TSPAN9: variants seen among roughly 807,000 people sequenced by gnomAD.
The protein encoded by TSPAN9 is tetraspanin 9.
TSPAN9 carries 16 observed loss-of-function variants against 31.0 expected under a neutral mutation model. That is an observed-to-expected ratio of 0.52 (90% confidence interval 0.35 to 0.78). The LOEUF (loss-of-function observed/expected upper bound fraction) is 0.78. Among genes scored for constraint, TSPAN9 ranks in the 30% least tolerant of loss-of-function variants. The pLI is 0.01. For synonymous variants in TSPAN9, 145 were observed against 121.6 expected, an observed-to-expected ratio of 1.19 and a Z score of -1.27; for missense variants, 272 against 312.5, an observed-to-expected ratio of 0.87 and a Z score of 0.98.
intron 2 of TSPAN9, among the ~76,000 whole-genome samples, chr12:3,125,414 G>A (rs974611368): frequency 6.6e-6 from 1 of 152,146 alleles, no homozygotes; most frequent in Non-Finnish European, 1.5e-5. Context: ...CTCTGCATTG[G>A]AGTTCCTTCT....
intron 3 of TSPAN9, among the ~76,000 whole-genome samples, chr12:3,236,521 C>G (rs2098393815): frequency 6.6e-6 from 1 of 152,202 alleles, no homozygotes; most frequent in South Asian, 2.1e-4. Context: ...TTCGCTGCCA[C>G]CAGGATGCTT....
chr12:3,197,377 A>C (rs1019065615), intron 2 of TSPAN9, among the ~76,000 whole-genome samples: 2 of 152,194 alleles, frequency 1.3e-5, no homozygotes, highest in African/African-American at 4.8e-5. Flanking sequence ...CTACATCAGG[A>C]GGCGACTAGA....
intron 3 of TSPAN9, among the ~76,000 whole-genome samples, chr12:3,217,711 C>T (rs920638118): frequency 6.6e-6 from 1 of 152,188 alleles, no homozygotes; most frequent in African/African-American, 2.4e-5. Flanking sequence ...TCCCTTCACC[C>T]CTTCACCCCT....
chr12:3,239,913 G>C (rs967029689), intron 3 of TSPAN9, among the ~76,000 whole-genome samples: 8 of 152,268 alleles, frequency 5.3e-5, no homozygotes, highest in East Asian at 1.9e-4. Flanking sequence ...ACTATATAGG[G>C]GGGGGACGAG....
intron 2 of TSPAN9, among the ~76,000 whole-genome samples, chr12:3,106,703 C>T (rs1054849589): frequency 1.3e-5 from 2 of 152,132 alleles, no homozygotes; most frequent in East Asian, 1.9e-4. Context: ...CCCAGGAGTT[C>T]GAGTCTGCAG....
chr12:3,178,960 T>C (rs2098357383), intron 2 of TSPAN9, among the ~76,000 whole-genome samples: 1 of 152,206 alleles, frequency 6.6e-6, no homozygotes, highest in South Asian at 2.1e-4. Flanking sequence ...TCTGGTTGCT[T>C]ATTCTCTGAT....
At chr12:3,104,142 G>T (rs35777997) in intron 2 of TSPAN9, among the ~76,000 whole-genome samples, 17,108 of 151,964 alleles carry the variant, frequency 0.11, 1,185 homozygotes, top group East Asian at 0.35. Flanking sequence ...TGGTACAGCT[G>T]GAGGGGAGTG....
At chr12:3,184,871 G>C (rs918751140) in intron 2 of TSPAN9, among the ~76,000 whole-genome samples, 1 of 152,158 alleles carries the variant, frequency 6.6e-6, no homozygotes, top group South Asian at 2.1e-4. Context: ...ACACCTTCAG[G>C]GGGCACAGTT....
At chr12:3,086,329 A>ATT (rs11356214) in intron 2 of TSPAN9, among the ~76,000 whole-genome samples, 2 of 145,804 alleles carry the variant, frequency 1.4e-5, no homozygotes, top group African/African-American at 5.0e-5. Context: ...CCAAATGTAG[A>ATT]TTTTTTTTTT....
chr12:3,126,960 T>C (rs1048455321), intron 2 of TSPAN9, among the ~76,000 whole-genome samples: 2 of 151,974 alleles, frequency 1.3e-5, no homozygotes, highest in African/African-American at 4.8e-5. Flanking sequence ...GCAAAAAAAA[T>C]TCATGGAGTC....
intron 3 of TSPAN9, among the ~76,000 whole-genome samples, chr12:3,274,856 G>A (rs1006654519): frequency 6.6e-6 from 1 of 152,240 alleles, no homozygotes; most frequent in Non-Finnish European, 1.5e-5. Context: ...CGTGCACCAT[G>A]CGTGGAGTTG....
At chr12:3,264,259 G>A (rs924736837) in intron 3 of TSPAN9, among the ~76,000 whole-genome samples, 60 of 152,176 alleles carry the variant, frequency 3.9e-4, no homozygotes, top group African/African-American at 1.4e-3. Flanking sequence ...CCCGGGGAAG[G>A]GGGTGGGGAC....
At chr12:3,082,463 C>T (rs2098298409) in intron 1 of TSPAN9, among the ~76,000 whole-genome samples, 1 of 152,140 alleles carries the variant, frequency 6.6e-6, no homozygotes, top group Admixed American at 6.5e-5. Flanking sequence ...AACTTGAGTG[C>T]CCACCGTGTG....
At chr12:3,138,119 C>CA (rs768830103) in intron 2 of TSPAN9, among the ~76,000 whole-genome samples, 3 of 152,208 alleles carry the variant, frequency 2.0e-5, no homozygotes, top group Non-Finnish European at 4.4e-5. Context: ...GGGCAGTGCC[C>CA]AGCGGTGCCC....
rs1269513224 is a variant in TSPAN9 at position 3,168,719 on chromosome 12, C to A, written c.-17-32458C>A. Among the ~76,000 whole-genome samples the A allele has an allele frequency of 6.6e-6, 1 of 152,164 alleles. No individual in the cohort carries two copies. The highest frequency in any genetic ancestry group is 1.5e-5 in the Non-Finnish European group (1 of 68,030). ...GGAGAGGATTTGATAAATCTTAATT[C>A]TCTTCCCAGACCAGGTCCTGTCTCT... is the stretch of plus-strand genomic sequence containing the variant. On this transcript the variant is annotated intron_variant, in intron 2 of 8. Transcript: ENST00000011898. This position sits in a 1 kb window ranked among gnomAD's most constrained non-coding sequence, Gnocchi z 4.0.
intron 3 of TSPAN9, among the ~76,000 whole-genome samples, chr12:3,207,433 G>T (rs1377819606): frequency 3.3e-5 from 5 of 152,182 alleles, no homozygotes. Flanking sequence ...AAGCTAATCT[G>T]CCAGTAGAAG....
rs115093614 is a variant in TSPAN9, at chr12:3,277,805, C to G, written c.64-616C>G. On this transcript the variant is annotated intron_variant, in intron 3 of 8. Coordinates refer to ENST00000011898, the MANE Select transcript of TSPAN9 (RefSeq NM_006675.5). ...GGGTGGTGAAGGCAGCCGTGGACTC[C>G]CACGTCCCGCACACTGGCCAGGCCC... Among the ~76,000 whole-genome samples, 858 of 152,288 alleles carry G rather than the reference C, an allele frequency of 5.6e-3. 5 individuals carry two copies. The highest frequency in any genetic ancestry group is 0.02 in the African/African-American group (820 of 41,562).
At chr12:3,137,493 CT>C (rs901574720) in intron 2 of TSPAN9, among the ~76,000 whole-genome samples, 17 of 152,202 alleles carry the variant, frequency 1.1e-4, no homozygotes, top group Middle Eastern at 3.2e-3. Flanking sequence ...TAGATACATA[CT>C]CTGCTCTGGG....
Position 3,084,977 on chromosome 12 carries a change from G to T in TSPAN9, c.-18+1258G>T, listed in dbSNP as rs561217572. ...TCCCGCCTCCCTGGGGCCCGGATGGGTGTCTGCTTTCATTCTTGCAGCTCT... is the reference window on the plus strand; with the variant it reads ...TCCCGCCTCCCTGGGGCCCGGATGGTTGTCTGCTTTCATTCTTGCAGCTCT... On this transcript the variant is annotated intron_variant, in intron 2 of 8. Transcript: ENST00000011898. Among the ~76,000 whole-genome samples the T allele has an allele frequency of 2.6e-5, 4 of 152,340 alleles. No individual in the cohort carries two copies. The East Asian group carries it at 7.7e-4, about 29-fold the overall frequency.
Sources: allele counts gnomAD v4.1 joint callset (sites outside exome capture counted in the v4.1 genomes callset), GRCh38; gene constraint gnomAD v4.1.1; non-coding constraint Gnocchi (gnomAD v3.1); transcripts MANE v1.5; gene names NCBI Gene and HGNC (gene_info 2026-07-23, HGNC 2026-07-21).